CT45A1: variants seen among roughly 807,000 people sequenced by gnomAD.
CT45A1 encodes cancer/testis antigen 45-1.
intron 1 of CT45A1, among the ~76,000 whole-genome samples, chrX:135,715,335 A>T (rs1417604364): frequency 3.7e-4 from 13 of 35,266 alleles, no homozygotes; most frequent in African/African-American, 1.2e-3. Context: ...CTTATATATT[A>T]TATATATATA....
At chrX:135,715,023 A>G (rs1556570776) in intron 1 of CT45A1, among the ~76,000 whole-genome samples, 1 of 106,926 alleles carries the variant, frequency 9.4e-6, no homozygotes, top group Non-Finnish European at 1.9e-5. Flanking sequence ...ATATGTACAT[A>G]TATAAAAATA....
At chrX:135,717,328 C>T (rs1376611933) in intron 1 of CT45A1, among the ~76,000 whole-genome samples, 2 of 111,687 alleles carry the variant, frequency 1.8e-5, no homozygotes, top group African/African-American at 6.5e-5. Context: ...GTGGGCAGAT[C>T]ACTTGCAGCC....
intron 1 of CT45A1, among the ~76,000 whole-genome samples, chrX:135,714,218 C>T (rs1374417405): frequency 9.1e-6 from 1 of 109,417 alleles, no homozygotes; most frequent in Non-Finnish European, 1.9e-5. Context: ...GTGCTGATGT[C>T]GTCCGTGAGG....
chrX:135,712,247 A>G (rs1556569820), upstream of CT45A1, among the ~76,000 whole-genome samples: 1 of 81,229 alleles, frequency 1.2e-5, no homozygotes, highest in Non-Finnish European at 2.2e-5. Context: ...ATCAAAGCTC[A>G]ATGCAGCCTC....
At chrX:135,716,083 A>G (rs1329530105) in intron 1 of CT45A1, among the ~76,000 whole-genome samples, 2 of 111,273 alleles carry the variant, frequency 1.8e-5, no homozygotes, top group African/African-American at 3.3e-5. Flanking sequence ...TCTATCATTG[A>G]TGGGCATTTG....
chrX:135,709,456 A>C (rs1331820154), upstream of CT45A1, among the ~76,000 whole-genome samples: 1 of 111,692 alleles, frequency 9.0e-6, no homozygotes, highest in East Asian at 2.8e-4. Context: ...TTTGGTAGAG[A>C]TGTGGTTTTG....
chrX:135,710,917 T>C (rs782817455), upstream of CT45A1, among the ~76,000 whole-genome samples: 3 of 112,069 alleles, frequency 2.7e-5, no homozygotes, highest in Non-Finnish European at 5.6e-5. Context: ...TCCCTGACAA[T>C]TCAGCGAATG....
rs1556570986 is a variant in CT45A1 at position 135,715,305 on chromosome X, TAC to T, written c.-7+1617_-7+1618del. Among the ~76,000 whole-genome samples, 13 of 70,914 alleles carry T rather than the reference TAC, an allele frequency of 1.8e-4. 1 individual carries two copies. Among genetic ancestry groups the T allele is most frequent in the African/African-American group, 6.3e-4 (12 of 19,056 alleles). The allele number at this position is 70,914 out of a possible 115,157, so 61.6% of individuals were successfully genotyped here. ...TACTTATATATATAATACTTATATATACAATACTTATATATAATACTTATATA... is the reference window on the plus strand; with the variant it reads ...TACTTATATATATAATACTTATATATAATACTTATATATAATACTTATATA... On this transcript the variant is annotated intron_variant, in intron 1 of 4. Transcript: ENST00000594565.
upstream of CT45A1, among the ~76,000 whole-genome samples, chrX:135,711,399 G>T (rs1477650775): frequency 5.4e-5 from 6 of 111,319 alleles, no homozygotes; most frequent in East Asian, 1.1e-3. Context: ...ACTCTCTTCT[G>T]ACAGGGTACT....
At chrX:135,714,371 G>A (rs1189507680) in intron 1 of CT45A1, among the ~76,000 whole-genome samples, 1 of 109,642 alleles carries the variant, frequency 9.1e-6, no homozygotes, top group African/African-American at 3.3e-5. Context: ...GGAATGGGGT[G>A]CTGTTCCTTG....
At chrX:135,712,179 C>CTTTTTTTT (rs782572662), upstream of CT45A1, among the ~76,000 whole-genome samples, 27 of 48,420 alleles carry the variant, frequency 5.6e-4, no homozygotes, top group Non-Finnish European at 7.4e-4. Context: ...TTTTTTCTTT[C>CTTTTTTTT]TTTTTTTTTT....
the CT45A1 span, among the ~76,000 whole-genome samples, chrX:135,708,541 G>C: frequency 9.0e-6 from 1 of 110,940 alleles, no homozygotes; most frequent in African/African-American, 3.3e-5. Flanking sequence ...GTGGGTGCCT[G>C]TGTCAGCCGT....
intron 1 of CT45A1, among the ~76,000 whole-genome samples, chrX:135,715,264 ACT>A (rs2087970556): frequency 1.2e-5 from 1 of 86,103 alleles, no homozygotes; most frequent in Admixed American, 1.5e-4. Context: ...TATATATAAT[ACT>A]TATATATATA....
chrX:135,718,579 C>T (rs1361862523), intron 1 of CT45A1, among the ~76,000 whole-genome samples: 1 of 110,205 alleles, frequency 9.1e-6, no homozygotes, highest in East Asian at 2.8e-4. Context: ...AGGGTTAATA[C>T]AGATTGGTTT....
chrX:135,718,410 T>A (rs781971071), intron 1 of CT45A1, among the ~76,000 whole-genome samples: 1 of 110,967 alleles, frequency 9.0e-6, no homozygotes, highest in African/African-American at 3.3e-5. Context: ...GATGTTGTTA[T>A]CAGTTTTGTA....
upstream of CT45A1, among the ~76,000 whole-genome samples, chrX:135,708,792 T>G (rs781974219): frequency 9.0e-6 from 1 of 111,397 alleles, no homozygotes; most frequent in South Asian, 3.8e-4. Context: ...GGTCCCTGAT[T>G]TTGTGTGGGA....
chrX:135,709,010 C>T (rs1185036740), upstream of CT45A1, among the ~76,000 whole-genome samples: 1 of 111,234 alleles, frequency 9.0e-6, no homozygotes, highest in Non-Finnish European at 1.9e-5. Context: ...TAGTACATTG[C>T]TGTCCTTTCT....
chrX:135,715,650 GTATATAATACTTATA>G (rs1344690374), intron 1 of CT45A1, among the ~76,000 whole-genome samples: 1 of 92,247 alleles, frequency 1.1e-5, no homozygotes, highest in Non-Finnish European at 2.1e-5. Context: ...ATACTTATAT[GTATATAATACTTATA>G]TATATAATAC....
chrX:135,715,719 A>ATACTTATATATAT (rs2087983660), intron 1 of CT45A1, among the ~76,000 whole-genome samples: 3 of 97,732 alleles, frequency 3.1e-5, no homozygotes, highest in Non-Finnish European at 6.2e-5. Context: ...TATATATATA[A>ATACTTATATATAT]AATACTTTAA....
Sources: allele counts gnomAD v4.1 joint callset (sites outside exome capture counted in the v4.1 genomes callset), GRCh38; gene constraint gnomAD v4.1.1; transcripts MANE v1.5; gene names NCBI Gene and HGNC (gene_info 2026-07-23, HGNC 2026-07-21).